C5orf22: variants seen among roughly 807,000 people sequenced by gnomAD.
C5orf22 encodes the protein chromosome 5 open reading frame 22.
Under a neutral mutation model 48.7 loss-of-function variants are expected in C5orf22, and 36 were observed. That is an observed-to-expected ratio of 0.74 (90% CI 0.57 to 0.98). The LOEUF (loss-of-function observed/expected upper bound fraction) is 0.98. Ranked by LOEUF, C5orf22 falls within the 50% of genes least tolerant of loss-of-function variation. The probability of loss-of-function intolerance (pLI) is 0.00; values close to 1 mark genes in which losing one functional copy is unlikely to be tolerated. For synonymous variants in C5orf22, 141 were observed against 180.8 expected, an observed-to-expected ratio of 0.78 and a Z score of 1.76; for missense variants, 486 against 521.9, an observed-to-expected ratio of 0.93 and a Z score of 0.67.
chr5:31,541,184 T>C (rs907261068), intron 5 of C5orf22, 97 bp from the exon 6 acceptor site: 27 of 1,314,026 alleles, frequency 2.1e-5, no homozygotes, highest in Middle Eastern at 2.2e-4. Context: ...TTGAAAATTA[T>C]GTTTTAACTA....
chr5:31,542,612 C>G (rs1742545974), intron 6 of C5orf22, among the ~76,000 whole-genome samples: 1 of 152,142 alleles, frequency 6.6e-6, no homozygotes, highest in Admixed American at 6.5e-5. Flanking sequence ...GTTCATATCA[C>G]CTTGAAAGAA....
Position 31,550,588 on chromosome 5 carries a change from G to A in C5orf22, c.1060-705G>A, listed in dbSNP as rs149760193. Among the ~76,000 whole-genome samples the A allele has an allele frequency of 1.9e-3, 290 of 151,738 alleles. 2 individuals carry two copies. Among genetic ancestry groups the A allele is most frequent in the African/African-American group, 6.6e-3 (272 of 41,372 alleles). ...CAATTTTTTTTTTTCTTTTTGAGAC[G>A]GAGTTTCGCTCTTGTTGCCCAGGCT... On this transcript the variant is annotated intron_variant, in intron 7 of 8. Transcript: ENST00000325366.
intron 1 of C5orf22, among the ~76,000 whole-genome samples, chr5:31,533,363 T>A (rs1211058496): frequency 1.3e-5 from 2 of 152,136 alleles, no homozygotes; most frequent in African/African-American, 4.8e-5. Context: ...CAAATTGGTG[T>A]CTTAATCTAG....
chr5:31,545,723 T>C lies in C5orf22; in HGVS notation c.1059+11T>C, dbSNP rs1291991641. ...CCAGACTATGAAATGGTAAATATTT[T>C]ATATTAATGTGTAAAATTGACCCTT... On this transcript the variant is annotated intron_variant, in intron 7 of 8. Coordinates refer to ENST00000325366, the MANE Select transcript of C5orf22 (RefSeq NM_018356.3). The C allele has an allele frequency of 6.5e-7, 1 of 1,540,260 alleles. No individual in the cohort carries two copies. Among genetic ancestry groups the C allele is most frequent in the Non-Finnish European group, 8.9e-7 (1 of 1,118,218 alleles).
At chr5:31,534,192 G>A (rs1412421704) in intron 1 of C5orf22, 80 bp from the exon 2 acceptor site, 1 of 1,190,180 alleles carries the variant, frequency 8.4e-7, no homozygotes, top group African/African-American at 1.5e-5. Flanking sequence ...GCATTATTTA[G>A]CATTGTTTTT....
chr5:31,536,302 C>T (rs569905249), intron 3 of C5orf22, among the ~76,000 whole-genome samples: 9 of 152,222 alleles, frequency 5.9e-5, no homozygotes, highest in East Asian at 3.9e-4. Context: ...GGGCAGAAGA[C>T]GAGGTCAAGA....
chr5:31,553,045 A>C lies in C5orf22; in HGVS notation c.*143A>C. On this transcript the variant is annotated 3_prime_UTR_variant, in exon 9 of 9. Transcript: ENST00000325366. ...TTTCAGATATTTTGAATCTCTGAAC[A>C]ACCATTGTCAGTTGTGAATGATGGT... 1 of 768,186 alleles carries C rather than the reference A, an allele frequency of 1.3e-6. No individual in the cohort carries two copies. 47.6% of individuals were successfully genotyped at this position (768,186 alleles called of 1,614,324 possible).
At chr5:31,537,004 A>C (rs184802270) in intron 3 of C5orf22, among the ~76,000 whole-genome samples, 1 of 152,344 alleles carries the variant, frequency 6.6e-6, no homozygotes, top group South Asian at 2.1e-4. Flanking sequence ...TGTCGTTTGC[A>C]CAAATAGCTT....
chr5:31,534,619 C>T (rs1177071898), intron 2 of C5orf22: 3 of 548,072 alleles, frequency 5.5e-6, no homozygotes, highest in Non-Finnish European at 9.6e-6. Context: ...GGTTTGCTGG[C>T]TATATGGTCT....
At chr5:31,533,011 G>T (rs538561288) in intron 1 of C5orf22, among the ~76,000 whole-genome samples, 16 of 151,976 alleles carry the variant, frequency 1.1e-4, no homozygotes, top group African/African-American at 3.9e-4. Context: ...CTGGAGTGCA[G>T]TGGCGCGATC....
rs1247580074 is a variant in C5orf22 at position 31,532,409 on chromosome 5, G to A, written c.17G>A (p.Gly6Glu). ...CGCAAAAACATGAGTGACTCCGCGG[G>A]AGGGCGCGCTGGTCTCCGGCGTTAC... is the stretch of plus-strand genomic sequence containing the variant. MSDSA[G>E]GRAGLRRYPK... is the part of the protein sequence containing the mutation. The change falls in exon 1 of 9, where the codon GGA (glycine) becomes GAA (glutamate). Residue 6 changes from glycine (G) to glutamate (E), a missense_variant. Around this residue, in one of 3 missense-constraint regions of C5orf22, gnomAD observed 74 missense variants for 61.2 expected, o/e 1.21. Coordinates refer to ENST00000325366, the MANE Select transcript of C5orf22 (RefSeq NM_018356.3). 1 of 1,613,912 alleles carries A rather than the reference G, an allele frequency of 6.2e-7. No homozygotes were observed. Among genetic ancestry groups the A allele is most frequent in the African/African-American group, 1.3e-5 (1 of 74,902 alleles).
chr5:31,535,054 A>C (rs1176503746), intron 2 of C5orf22: 3 of 450,974 alleles, frequency 6.7e-6, no homozygotes, highest in Admixed American at 2.4e-5. Context: ...TTTCACAGGC[A>C]TGTAATTGGA....
intron 7 of C5orf22, among the ~76,000 whole-genome samples, chr5:31,550,723 C>T (rs185298266): frequency 0.012 from 1,891 of 152,120 alleles, 43 homozygotes; most frequent in African/African-American, 0.043. Flanking sequence ...CCACCACGCC[C>T]GGCTAATTTT....
At chr5:31,550,719 C>T (rs758948346) in intron 7 of C5orf22, among the ~76,000 whole-genome samples, 1 of 152,120 alleles carries the variant, frequency 6.6e-6, no homozygotes, top group Non-Finnish European at 1.5e-5. Context: ...TGTGCCACCA[C>T]GCCCGGCTAA....
rs1743509963 is a variant in C5orf22, at chr5:31,555,016, A to G, written c.*2114A>G. 1 of 152,234 alleles carries G rather than the reference A, an allele frequency of 6.6e-6. No homozygotes were observed. Among genetic ancestry groups the G allele is most frequent in the Non-Finnish European group, 1.5e-5 (1 of 68,042 alleles). The allele number at this position is 152,234 out of a possible 1,614,324, so 9.4% of individuals were successfully genotyped here. ...ACAGTGTTTTGAATTGTGTACTAAT[A>G]TCATTAAAGCATGGGATTTTAGTGG... On this transcript the variant is annotated 3_prime_UTR_variant, in exon 9 of 9. Transcript: ENST00000325366.
chr5:31,549,876 A>T (rs1561330767), intron 7 of C5orf22, among the ~76,000 whole-genome samples: 1 of 152,324 alleles, frequency 6.6e-6, no homozygotes, highest in East Asian at 1.9e-4. Context: ...TGTCAAATTT[A>T]AAAAGAGAAA....
intron 7 of C5orf22, among the ~76,000 whole-genome samples, chr5:31,547,820 C>T (rs892008269): frequency 1.3e-5 from 2 of 152,186 alleles, no homozygotes; most frequent in Non-Finnish European, 2.9e-5. Flanking sequence ...GAGGGGCTAC[C>T]GCAAAGGTCT....
chr5:31,544,849 T>A (rs1742750453), intron 6 of C5orf22, among the ~76,000 whole-genome samples: 1 of 151,744 alleles, frequency 6.6e-6, no homozygotes, highest in Non-Finnish European at 1.5e-5. Flanking sequence ...AGTGGGAGAT[T>A]CCTTAAGCCC....
chr5:31,552,166 T>C (rs1207061666), intron 8 of C5orf22, among the ~76,000 whole-genome samples: 1 of 152,178 alleles, frequency 6.6e-6, no homozygotes, highest in Non-Finnish European at 1.5e-5. Context: ...AGTTGGTAAG[T>C]TCTGGAAAGA....
Sources: allele counts gnomAD v4.1 joint callset (sites outside exome capture counted in the v4.1 genomes callset), GRCh38; gene constraint gnomAD v4.1.1; regional missense constraint gnomAD v4.1.1; transcripts MANE v1.5; gene names NCBI Gene and HGNC (gene_info 2026-07-23, HGNC 2026-07-21).